SLC22A12: variants seen among roughly 807,000 people sequenced by gnomAD.
The protein encoded by SLC22A12 is organic anion transporter 4-like protein.
SLC22A12 carries 56 observed loss-of-function variants against 52.7 expected under a neutral mutation model. That is an observed-to-expected ratio of 1.06 (90% CI 0.86 to 1.33). The LOEUF (loss-of-function observed/expected upper bound fraction) is 1.33. SLC22A12 is among the 40% of genes most tolerant of loss of function. The pLI, the probability that SLC22A12 is intolerant of heterozygous loss-of-function variation, is 0.00. For synonymous variants in SLC22A12, 337 were observed against 324.6 expected (o/e 1.04, Z -0.41); for missense variants, 683 against 741.5 (o/e 0.92, Z 0.92).
chr11:64,592,075 C>G, intron 1 of SLC22A12, 117 bp downstream of exon 1: 2 of 1,466,902 alleles, frequency 1.4e-6, no homozygotes, highest in Admixed American at 2.0e-5. Context: ...AGGCCCCACT[C>G]ACTCTCGAGC....
Position 64,591,925 on chromosome 11 carries a change from C to T in SLC22A12, c.369C>T (p.Asp123=), listed in dbSNP as rs1429042313. Residue 123 remains aspartate, a synonymous_variant, in exon 1 of 10, where the codon GAC becomes GAT. Transcript: ENST00000377574. ...TEPCVDGWVY[D]RSIFTSTIVA... Reference sequence around the variant, plus strand: ...CGTGTGTGGATGGCTGGGTCTATGACCGCAGCATCTTCACCTCCACAATCG... The same window carrying T: ...CGTGTGTGGATGGCTGGGTCTATGATCGCAGCATCTTCACCTCCACAATCG... 1 of 1,612,260 alleles carries T rather than the reference C, an allele frequency of 6.2e-7. No individual in the cohort carries two copies. The highest frequency in any genetic ancestry group is 1.1e-5 in the South Asian group (1 of 91,080).
intron 1 of SLC22A12, 93 bp from the exon 2 acceptor site, chr11:64,592,686 C>A: frequency 9.5e-7 from 1 of 1,051,246 alleles, no homozygotes; most frequent in Non-Finnish European, 1.5e-6. Flanking sequence ...ACCCACCGCA[C>A]CCAGCTCCCT....
intron 4 of SLC22A12, among the ~76,000 whole-genome samples, chr11:64,596,619 G>A (rs1164601011): frequency 6.6e-6 from 1 of 152,214 alleles, no homozygotes; most frequent in Non-Finnish European, 1.5e-5. Context: ...GAAGAAGGCT[G>A]AGTCCACAAA....
At position 64,601,542 on chromosome 11, in the gene SLC22A12, A is replaced by G; in HGVS notation, c.1653A>G (p.Thr551=). The G allele has an allele frequency of 6.2e-7, 1 of 1,613,748 alleles. No individual in the cohort carries two copies. The highest frequency in any genetic ancestry group is 1.1e-5 in the South Asian group (1 of 91,066). ...TGGGGAACTCTGTCCTAAAATCCAC[A>G]CAGTTTTAGCCTCCTGGGGAACCTG... ...GTLGNSVLKS[T]QF The change falls in exon 10 of 10, where the codon ACA becomes ACG. Residue 551 remains threonine (T), a synonymous_variant. Transcript: ENST00000377574.
chr11:64,595,698 T>C (rs2039154534), intron 4 of SLC22A12, among the ~76,000 whole-genome samples: 1 of 136,200 alleles, frequency 7.3e-6, no homozygotes, highest in Non-Finnish European at 1.6e-5. Context: ...ATGGTTGGAA[T>C]AGATGGATGG....
Position 64,601,898 on chromosome 11 carries a change from C to T in SLC22A12, c.*347C>T, listed in dbSNP as rs966636961. ...TTGACTCCGCACTGCCACTTGTCCC[C>T]CCACACCCGTCCACCTGCCCAGAGC... On this transcript the variant is annotated 3_prime_UTR_variant, in exon 10 of 10. Transcript: ENST00000377574. 1 of 372,364 alleles carries T rather than the reference C, an allele frequency of 2.7e-6. No homozygotes were observed. Among genetic ancestry groups the T allele is most frequent in the African/African-American group, 2.1e-5 (1 of 47,430 alleles). The allele number at this position is 372,364 out of a possible 1,614,324, so 23.1% of individuals were successfully genotyped here. A position where few individuals can be genotyped will look rare whatever the true frequency, so the allele number is the denominator to read the frequency against.
intron 7 of SLC22A12, 31 bp from the exon 8 acceptor site, chr11:64,600,336 C>T: frequency 6.5e-7 from 1 of 1,539,412 alleles, no homozygotes; most frequent in Non-Finnish European, 8.8e-7. Context: ...GGGCCCCCCA[C>T]CAAGCTCACT....
rs1284524291 is a variant in SLC22A12, at chr11:64,595,400, CGGATGGAT to C, written c.830+1607_830+1614del. ...ATGGATGGATGGATGGATGGACGGA[CGGATGGAT>C]GGATGGATGTTTGGAATAGATGGAT... On this transcript the variant is annotated intron_variant, in intron 4 of 9. Coordinates refer to ENST00000377574, the MANE Select transcript of SLC22A12 (RefSeq NM_144585.4). 4.3e-4 allele frequency among the ~76,000 whole-genome samples: 21 copies of C among 49,156 alleles called. 1 individual carries two copies. Among genetic ancestry groups the C allele is most frequent in the African/African-American group, 1.2e-3 (19 of 15,414 alleles). 32.2% of individuals were successfully genotyped at this position (49,156 alleles called of 152,430 possible).
chr11:64,592,696 T>C, intron 1 of SLC22A12, 83 bp from the exon 2 acceptor site: 4 of 1,171,874 alleles, frequency 3.4e-6, no homozygotes, highest in Non-Finnish European at 5.1e-6. Flanking sequence ...CCCAGCTCCC[T>C]GGGGGCCCTC....
intron 1 of SLC22A12, 27 bp from the exon 2 acceptor site, chr11:64,592,752 G>A (rs1331654187): frequency 1.9e-6 from 3 of 1,592,716 alleles, no homozygotes; most frequent in Non-Finnish European, 2.6e-6. Flanking sequence ...CCAACCTCCT[G>A]AGCTCAGCCT....
In SLC22A12 at chr11:64,602,001, C is replaced by T. The variant is rs146963319; in HGVS notation, c.*450C>T. 7 of 279,506 alleles carry T rather than the reference C, an allele frequency of 2.5e-5. No homozygotes were observed. Among genetic ancestry groups the T allele is most frequent in the Non-Finnish European group, 4.2e-5 (6 of 141,936 alleles). 17.3% of individuals were successfully genotyped at this position (279,506 alleles called of 1,614,324 possible). ...GTAGAGTCTCAGCTCCACAGCTTTA[C>T]CCAGAAGCCCTGTAAGCCTGGCCCC... On this transcript the variant is annotated 3_prime_UTR_variant, in exon 10 of 10. Transcript: ENST00000377574.
In SLC22A12 at chr11:64,591,792, C is replaced by CGGGCCCCAACCAG. The variant is rs757926758; in HGVS notation, c.237_249dup (p.Arg84GlyfsTer44). ...GCCCTCCTGGCTATTTCCATCCCGCCGGGCCCCAACCAGAGGCCCCACCAG... is the reference window on the plus strand; with the variant it reads ...GCCCTCCTGGCTATTTCCATCCCGCCGGGCCCCAACCAGGGGCCCCAACCAGAGGCCCCACCAG... On this transcript the variant is annotated frameshift_variant, in exon 1 of 10. Coordinates refer to ENST00000377574, the MANE Select transcript of SLC22A12 (RefSeq NM_144585.4). LOFTEE classifies it high-confidence loss of function. 1.9e-6 allele frequency: 3 copies of CGGGCCCCAACCAG among 1,612,568 alleles called. No individual in the cohort carries two copies. The highest frequency in any genetic ancestry group is 2.5e-6 in the Non-Finnish European group (3 of 1,179,990).
In SLC22A12 at chr11:64,601,915, G is replaced by A; in HGVS notation, c.*364G>A. On this transcript the variant is annotated 3_prime_UTR_variant, in exon 10 of 10. Transcript: ENST00000377574. ...CTTGTCCCCCCACACCCGTCCACCT[G>A]CCCAGAGCTCAGAGCTAACCACCAT... 2.8e-6 allele frequency: 1 copy of A among 361,380 alleles called. No individual in the cohort carries two copies. Among genetic ancestry groups the A allele is most frequent in the Non-Finnish European group, 5.4e-6 (1 of 185,114 alleles). The allele number at this position is 361,380 out of a possible 1,614,324, so 22.4% of individuals were successfully genotyped here.
chr11:64,598,500 G>A lies in SLC22A12; in HGVS notation c.831-16G>A, dbSNP rs369356695. The stretch of plus-strand genomic sequence containing the variant: ...GGCCACAGGCAATGACCCCTCCCAC[G>A]CCCCCTCCACTTAAGGTGGCTGGCA... On this transcript the variant is annotated splice_polypyrimidine_tract_variant and intron_variant, in intron 4 of 9. Transcript: ENST00000377574. 25 of 1,563,050 alleles carry A rather than the reference G, an allele frequency of 1.6e-5. No homozygotes were observed. Among genetic ancestry groups the A allele is most frequent in the East Asian group, 7.1e-5 (3 of 42,222 alleles).
In SLC22A12 at chr11:64,591,584, G is replaced by A. The variant is rs1440411640; in HGVS notation, c.28G>A (p.Val10Met). Residue 10 changes from valine (V) to methionine (M), a missense_variant, in exon 1 of 10, where the codon GTG becomes ATG. Coordinates refer to ENST00000377574, the MANE Select transcript of SLC22A12 (RefSeq NM_144585.4). ...GGCATTTTCTGAACTCCTGGACCTC[G>A]TGGGTGGCCTGGGCAGGTTCCAGGT... MAFSELLDL[V>M]GGLGRFQVLQ... The A allele has an allele frequency of 1.1e-5, 17 of 1,612,786 alleles. No homozygotes were observed. The highest frequency in any genetic ancestry group is 3.3e-4 in the Middle Eastern group (2 of 6,084).
chr11:64,600,613 G>T, intron 8 of SLC22A12, 122 bp from the exon 9 acceptor site: 1 of 1,470,916 alleles, frequency 6.8e-7, no homozygotes, highest in Non-Finnish European at 9.3e-7. Flanking sequence ...GGCTGCTCAG[G>T]TGCATCCCAA....
In SLC22A12 at chr11:64,591,950, G is replaced by A. The variant is rs547191924; in HGVS notation, c.394G>A (p.Val132Met). 1.1e-5 allele frequency: 18 copies of A among 1,610,682 alleles called. No individual in the cohort carries two copies. The highest frequency in any genetic ancestry group is 1.3e-5 in the African/African-American group (1 of 74,888). ...CCGCAGCATCTTCACCTCCACAATC[G>A]TGGCCAAGGTAGGGCCTCCCCCAGA... The part of the protein sequence containing the change: ...YDRSIFTSTI[V>M]AKWNLVCDSH... Residue 132 changes from valine to methionine, a missense_variant, in exon 1 of 10, where the codon GTG (valine) becomes ATG (methionine). Coordinates refer to ENST00000377574, the MANE Select transcript of SLC22A12 (RefSeq NM_144585.4).
intron 4 of SLC22A12, 41 bp from the exon 5 acceptor site, chr11:64,598,475 G>T: frequency 6.4e-7 from 1 of 1,552,436 alleles, no homozygotes; most frequent in East Asian, 2.4e-5. Flanking sequence ...AGGCACTGGG[G>T]GCCACAGGCA....
chr11:64,598,984 G>A, intron 6 of SLC22A12, 61 bp downstream of exon 6: 2 of 1,586,188 alleles, frequency 1.3e-6, no homozygotes, highest in East Asian at 2.3e-5. Flanking sequence ...GCTCTCGCTG[G>A]CACACGGCCC....
Sources: allele counts gnomAD v4.1 joint callset (sites outside exome capture counted in the v4.1 genomes callset), GRCh38; gene constraint gnomAD v4.1.1; transcripts MANE v1.5; gene names NCBI Gene and HGNC (gene_info 2026-07-23, HGNC 2026-07-21).